Variants in CYP7B1 observed in about 807,000 individuals in gnomAD.
CYP7B1 encodes the protein cytochrome P450 7B1.
In CYP7B1, 29 loss-of-function variants were observed where a neutral mutation model predicts 42.7. The ratio of observed to expected loss-of-function variants is 0.68; its 90% CI spans 0.51 to 0.93. The LOEUF (loss-of-function observed/expected upper bound fraction) is 0.93. Ranked by LOEUF, CYP7B1 falls within the 40% of genes least tolerant of loss-of-function variation. The pLI, the probability that CYP7B1 is intolerant of heterozygous loss-of-function variation, is 0.00. For synonymous variants in CYP7B1, 235 were observed against 218.2 expected, an observed-to-expected ratio of 1.08 and a Z score of -0.68; for missense variants, 655 against 600.5, an observed-to-expected ratio of 1.09 and a Z score of -0.95.
intron 1 of CYP7B1, among the ~76,000 whole-genome samples, chr8:64,744,407 T>C (rs951332621): frequency 6.6e-6 from 1 of 152,104 alleles, no homozygotes; most frequent in African/African-American, 2.4e-5. Flanking sequence ...TGGACAGAAT[T>C]TGCCACGGTA....
At chr8:64,657,471 A>G (rs1006859604) in intron 1 of CYP7B1, among the ~76,000 whole-genome samples, 2 of 152,188 alleles carry the variant, frequency 1.3e-5, no homozygotes, top group African/African-American at 4.8e-5. Context: ...TATATGTGGC[A>G]TACAGGGTAA....
intron 1 of CYP7B1, among the ~76,000 whole-genome samples, chr8:64,730,751 GCACACACACACACACACACA>G (rs61050207): frequency 7.0e-6 from 1 of 142,864 alleles, no homozygotes; most frequent in Non-Finnish European, 1.5e-5. Context: ...AGGACTGTCT[GCACACACACACACACACACA>G]CACACACACA....
At chr8:64,637,152 A>G (rs1298449312) in intron 1 of CYP7B1, among the ~76,000 whole-genome samples, 1 of 152,176 alleles carries the variant, frequency 6.6e-6, no homozygotes, top group East Asian at 1.9e-4. Context: ...CGTTTTATCA[A>G]CCCCTGTCAA....
chr8:64,633,668 G>A (rs1039987432), intron 1 of CYP7B1, among the ~76,000 whole-genome samples: 1 of 152,142 alleles, frequency 6.6e-6, no homozygotes, highest in Non-Finnish European at 1.5e-5. Context: ...TGGATAGGAA[G>A]AGTCAATATT....
chr8:64,661,478 T>C (rs1806199045), intron 1 of CYP7B1, among the ~76,000 whole-genome samples: 1 of 152,210 alleles, frequency 6.6e-6, no homozygotes, highest in African/African-American at 2.4e-5. Flanking sequence ...GAATCAGAGA[T>C]GATTTGAACT....
intron 1 of CYP7B1, among the ~76,000 whole-genome samples, chr8:64,687,822 T>C (rs1489748241): frequency 6.6e-6 from 1 of 152,204 alleles, no homozygotes; most frequent in Non-Finnish European, 1.5e-5. Context: ...CTCCTTTCAA[T>C]AGTGTGAAAA....
rs56007427 is a variant in CYP7B1 at position 64,763,759 on chromosome 8, G to A, written c.122+34707C>T. On this transcript the variant is annotated intron_variant, in intron 1 of 5. Transcript: ENST00000310193. ...CCTAGAGGCAGAAAGCTGTCATCCC[G>A]AACTCCCAGCATTAGCCAGCTGAGA... Among the ~76,000 whole-genome samples the A allele has an allele frequency of 7.3e-3, 1,118 of 152,290 alleles. 18 individuals carry two copies. Among genetic ancestry groups the A allele is most frequent in the African/African-American group, 0.025 (1,058 of 41,556 alleles).
At chr8:64,632,680 G>A (rs1805714378) in intron 1 of CYP7B1, among the ~76,000 whole-genome samples, 1 of 151,986 alleles carries the variant, frequency 6.6e-6, no homozygotes, top group African/African-American at 2.4e-5. Context: ...TAGAAACAGA[G>A]GTGAACTTCC....
intron 1 of CYP7B1, among the ~76,000 whole-genome samples, chr8:64,661,211 C>T (rs1306745843): frequency 1.3e-5 from 2 of 152,178 alleles, no homozygotes; most frequent in African/African-American, 2.4e-5. Flanking sequence ...CACATATTCT[C>T]ATGAGTCTGA....
chr8:64,771,548 G>A (rs1315242744), intron 1 of CYP7B1, among the ~76,000 whole-genome samples: 2 of 152,202 alleles, frequency 1.3e-5, no homozygotes, highest in East Asian at 1.9e-4. Flanking sequence ...TACACACAAA[G>A]AAGAATGTGC....
rs773976307 is a variant in CYP7B1 at position 64,604,834 on chromosome 8, G to A, written c.1081C>T (p.Arg361Ter). ...CLESSIFEAL[R>*]LSSYSTTIRF... ...ATGGTGGTTGAATATGAGGACAGTC[G>A]TAAAGCTTCAAAAATGCTGCTTTCT... The change falls in exon 5 of 6, where the codon CGA becomes TGA. Residue 361 changes from arginine to a stop codon, truncating the protein, a stop_gained. Coordinates refer to ENST00000310193, the MANE Select transcript of CYP7B1 (RefSeq NM_004820.5). LOFTEE classifies it high-confidence loss of function. 20 of 1,613,976 alleles carry A rather than the reference G, an allele frequency of 1.2e-5. No homozygotes were observed. The highest frequency in any genetic ancestry group is 5.3e-5 in the African/African-American group (4 of 75,010).
Position 64,640,430 on chromosome 8 carries a change from C to T in CYP7B1, c.123-15891G>A, listed in dbSNP as rs552911610. Among the ~76,000 whole-genome samples the T allele has an allele frequency of 4.6e-5, 7 of 152,126 alleles. No individual in the cohort carries two copies. The South Asian group carries it at 1.5e-3, about 32-fold the overall frequency. On this transcript the variant is annotated intron_variant, in intron 1 of 5. Coordinates refer to ENST00000310193, the MANE Select transcript of CYP7B1 (RefSeq NM_004820.5). ...TATCATTAGGTAAAGAAAGCAAGGG[C>T]CTATCTACAGAACTTAAATGTTAGG...
chr8:64,689,162 T>G (rs1429399542), intron 1 of CYP7B1, among the ~76,000 whole-genome samples: 2 of 152,268 alleles, frequency 1.3e-5, no homozygotes, highest in African/African-American at 2.4e-5. Context: ...AAATCATGTT[T>G]ATAATGTCCT....
At chr8:64,721,975 T>G (rs201187425) in intron 1 of CYP7B1, among the ~76,000 whole-genome samples, 1 of 152,182 alleles carries the variant, frequency 6.6e-6, no homozygotes, top group East Asian at 1.9e-4. Flanking sequence ...ATTTAACTTA[T>G]AAACCTCGAA....
chr8:64,679,633 T>G (rs1806506404), intron 1 of CYP7B1, among the ~76,000 whole-genome samples: 1 of 152,204 alleles, frequency 6.6e-6, no homozygotes, highest in South Asian at 2.1e-4. Flanking sequence ...TCCCCTTGAA[T>G]TTGTCCCCAT....
At chr8:64,746,294 T>C (rs1807642163) in intron 1 of CYP7B1, among the ~76,000 whole-genome samples, 1 of 152,190 alleles carries the variant, frequency 6.6e-6, no homozygotes, top group African/African-American at 2.4e-5. Context: ...TGTTGTCTAT[T>C]TAAAGGCAAG....
intron 1 of CYP7B1, among the ~76,000 whole-genome samples, chr8:64,789,844 T>A (rs1399698226): frequency 1.3e-5 from 2 of 152,122 alleles, no homozygotes; most frequent in Non-Finnish European, 2.9e-5. Context: ...CACATCTCCA[T>A]CTGGGGACAC....
At chr8:64,685,205 C>CCCG (rs1177936809) in intron 1 of CYP7B1, among the ~76,000 whole-genome samples, 2 of 151,150 alleles carry the variant, frequency 1.3e-5, no homozygotes, top group Non-Finnish European at 3.0e-5. Context: ...GCGGACGGGC[C>CCCG]CCGCGGGGCC....
At chr8:64,675,770 T>C (rs754014346) in intron 1 of CYP7B1, among the ~76,000 whole-genome samples, 1 of 152,138 alleles carries the variant, frequency 6.6e-6, no homozygotes, top group Non-Finnish European at 1.5e-5. Context: ...GCACTTGAAA[T>C]ACCCACAATA....
Sources: allele counts gnomAD v4.1 joint callset (sites outside exome capture counted in the v4.1 genomes callset), GRCh38; gene constraint gnomAD v4.1.1; transcripts MANE v1.5; gene names NCBI Gene and HGNC (gene_info 2026-07-23, HGNC 2026-07-21).